The following TTC6 variants were observed in gnomAD, a reference collection of about 807,000 sequenced individuals.
TTC6 encodes the protein tetratricopeptide repeat domain 6.
TTC6 carries 172 observed loss-of-function variants against 210.4 expected under a neutral mutation model. The ratio of observed to expected loss-of-function variants is 0.82; its 90% CI spans 0.72 to 0.93. TTC6 has a LOEUF of 0.93. Ranked by LOEUF, TTC6 falls within the 40% of genes least tolerant of loss-of-function variation. The probability of loss-of-function intolerance (pLI) is 0.00; values close to 1 mark genes in which losing one functional copy is unlikely to be tolerated. For missense variants in TTC6, 2,414 were observed against 2,318.1 expected (o/e 1.04, Z -0.85); for synonymous variants, 804 against 819.6 (o/e 0.98, Z 0.32).
chr14:37,815,631 TG>T (rs2096139697), intron 25 of TTC6, among the ~76,000 whole-genome samples: 1 of 152,062 alleles, frequency 6.6e-6, no homozygotes, highest in Non-Finnish European at 1.5e-5. Flanking sequence ...CCCCAACCCC[TG>T]GTATATAGAG....
At chr14:37,658,555 C>T (rs2095729883) in intron 1 of TTC6, among the ~76,000 whole-genome samples, 1 of 152,138 alleles carries the variant, frequency 6.6e-6, no homozygotes, top group South Asian at 2.1e-4. Context: ...TATGGAATGA[C>T]AGACAGTGGA....
chr14:37,636,485 A>G (rs1039748922), intron 1 of TTC6, among the ~76,000 whole-genome samples: 1 of 152,198 alleles, frequency 6.6e-6, no homozygotes, highest in Non-Finnish European at 1.5e-5. Flanking sequence ...AAAATCCTCA[A>G]ACACTTGGAA....
exon 14 of TTC6, chr14:37,753,118 A>G: frequency 6.5e-7 from 1 of 1,534,692 alleles, no homozygotes; most frequent in Non-Finnish European, 8.7e-7. Flanking sequence ...TATGATCCCA[A>G]AAGAACAGAT....
At position 37,647,914 on chromosome 14, in the gene TTC6, A is replaced by T. The variant is rs371904211; in HGVS notation, c.939+24911A>T. ...TTTGGTGGAAACCAAGTGAAAAAAC[A>T]TTTCAAGAAGGATGCAATAACTGTG... is the stretch of plus-strand genomic sequence containing the variant. On this transcript the variant is annotated intron_variant, in intron 1 of 30. Coordinates refer to ENST00000553443, the Ensembl canonical transcript of TTC6. 8.2e-4 allele frequency among the ~76,000 whole-genome samples: 125 copies of T among 152,276 alleles called. 4 individuals are homozygous for T. The South Asian group carries it at 0.024, about 30-fold the overall frequency.
intron 6 of TTC6, among the ~76,000 whole-genome samples, chr14:37,717,244 A>C (rs2095854274): frequency 6.6e-6 from 1 of 151,936 alleles, no homozygotes; most frequent in Non-Finnish European, 1.5e-5. Flanking sequence ...AAACAGAAAA[A>C]CAGTAAGGAA....
At chr14:37,743,269 T>G (rs540875544) in intron 10 of TTC6, among the ~76,000 whole-genome samples, 1 of 152,150 alleles carries the variant, frequency 6.6e-6, no homozygotes, top group East Asian at 1.9e-4. Context: ...TCCCCTCTTT[T>G]ATCATGTTCC....
intron 15 of TTC6, 143 bp downstream of exon 17, chr14:37,787,780 A>G (rs1221759354): frequency 3.5e-6 from 2 of 569,546 alleles, no homozygotes; most frequent in African/African-American, 1.9e-5. Flanking sequence ...TATATATTAC[A>G]TGAGCTTACG....
intron 14 of TTC6, among the ~76,000 whole-genome samples, chr14:37,753,901 A>G (rs1191145399): frequency 1.3e-5 from 2 of 151,726 alleles, no homozygotes; most frequent in Non-Finnish European, 1.5e-5. Flanking sequence ...TCATTATCCT[A>G]TTGTATTGTA....
chr14:37,769,479 C>A (rs374956279), intron 14 of TTC6, among the ~76,000 whole-genome samples: 1,989 of 152,064 alleles, frequency 0.013, 26 homozygotes, highest in Non-Finnish European at 0.018. Context: ...ACAATTTCAG[C>A]TCCTGTTATT....
At chr14:37,776,505 C>G (rs1245685187) in intron 14 of TTC6, among the ~76,000 whole-genome samples, 1 of 152,118 alleles carries the variant, frequency 6.6e-6, no homozygotes, top group Non-Finnish European at 1.5e-5. Context: ...TCTTGTAAGG[C>G]AGGTCTGGTG....
intron 24 of TTC6, among the ~76,000 whole-genome samples, chr14:37,811,232 T>A (rs999178543): frequency 1.3e-5 from 2 of 152,236 alleles, no homozygotes; most frequent in Non-Finnish European, 2.9e-5. Flanking sequence ...TTTCACATAA[T>A]GTGACTTAGT....
chr14:37,740,039 C>T (rs1159869768), intron 10 of TTC6, among the ~76,000 whole-genome samples: 3 of 151,614 alleles, frequency 2.0e-5, no homozygotes, highest in Admixed American at 6.6e-5. Flanking sequence ...TGGTGGGCAC[C>T]TGTAGTCCCA....
chr14:37,612,261 C>A (rs1032169627), intron 2 of TTC6, among the ~76,000 whole-genome samples: 3 of 152,182 alleles, frequency 2.0e-5, no homozygotes, highest in Non-Finnish European at 4.4e-5. Flanking sequence ...AATCACGGAT[C>A]TGCTGTGTGA....
intron 14 of TTC6, among the ~76,000 whole-genome samples, chr14:37,770,741 T>A (rs2096015483): frequency 6.8e-6 from 1 of 148,086 alleles, no homozygotes; most frequent in African/African-American, 2.5e-5. Flanking sequence ...CACTGATGGG[T>A]CTTGACTCTT....
intron 24 of TTC6, 110 bp downstream of exon 26, chr14:37,808,956 G>A (rs1457486660): frequency 1.2e-5 from 7 of 577,678 alleles, no homozygotes; most frequent in Non-Finnish European, 2.1e-5. Context: ...ATATGTTAAA[G>A]CATTTGTAAA....
chr14:37,639,305 A>G (rs2095687005), intron 1 of TTC6, among the ~76,000 whole-genome samples: 1 of 152,190 alleles, frequency 6.6e-6, no homozygotes, highest in Non-Finnish European at 1.5e-5. Context: ...CACCAGTACA[A>G]TTGGAAGGGA....
intron 13 of TTC6, 66 bp from the exon 16 acceptor site, chr14:37,753,033 T>C: frequency 7.9e-7 from 1 of 1,273,104 alleles, no homozygotes; most frequent in Non-Finnish European, 1.0e-6. Flanking sequence ...TTAGATCACT[T>C]ATGTGATTAT....
intron 14 of TTC6, among the ~76,000 whole-genome samples, chr14:37,760,209 T>G (rs772613031): frequency 4.6e-5 from 7 of 151,694 alleles, no homozygotes; most frequent in Non-Finnish European, 1.0e-4. Context: ...TTGTTGATGT[T>G]GATGTTGTTG....
At chr14:37,748,540 G>T (rs1025992404) in intron 10 of TTC6, among the ~76,000 whole-genome samples, 8 of 152,136 alleles carry the variant, frequency 5.3e-5, no homozygotes, top group Non-Finnish European at 8.8e-5. Flanking sequence ...GTCAACTCCT[G>T]CCTTCTTCCC....
Sources: allele counts gnomAD v4.1 joint callset (sites outside exome capture counted in the v4.1 genomes callset), GRCh38; gene constraint gnomAD v4.1.1; transcripts MANE v1.5; gene names NCBI Gene and HGNC (gene_info 2026-07-23, HGNC 2026-07-21).